The following ANKRD30BL variants were observed in gnomAD, a reference collection of about 807,000 sequenced individuals.
The protein encoded by ANKRD30BL is putative ankyrin repeat domain-containing protein 30B-like.
ANKRD30BL carries 20 observed loss-of-function variants against 18.4 expected under a neutral mutation model. The observed-to-expected ratio is 1.09, with a 90% CI of 0.77 to 1.58. The LOEUF is 1.58. Among genes scored for constraint, ANKRD30BL ranks in the 40% most tolerant of loss-of-function variants. The pLI is 0.00. For synonymous variants in ANKRD30BL, 72 were observed against 100.9 expected (o/e 0.71, Z 1.72); for missense variants, 224 against 268.6 (o/e 0.83, Z 1.16).
In ANKRD30BL at chr2:132,198,259, CTTTCTTTCTT is replaced by C. The variant is rs1189333409; in HGVS notation, n.442-41123_442-41114del. 1.3e-3 allele frequency among the ~76,000 whole-genome samples: 175 copies of C among 130,768 alleles called. 3 individuals are homozygous for C. The highest frequency in any genetic ancestry group is 5.8e-3 in the African/African-American group (165 of 28,406). 85.8% of individuals were successfully genotyped at this position (130,768 alleles called of 152,430 possible). The stretch of plus-strand genomic sequence containing the variant: ...TCTCTTTCATAATTTACTATACCTT[CTTTCTTTCTT>C]TTCTTTCTTTCTTTCTTTCTTTCTT... On this transcript the variant is annotated intron_variant and non_coding_transcript_variant, in intron 1 of 4. Transcript: ENST00000470729.
intron 1 of ANKRD30BL, among the ~76,000 whole-genome samples, chr2:132,202,559 C>G (rs368216452): frequency 6.6e-6 from 1 of 151,578 alleles, no homozygotes; most frequent in Non-Finnish European, 1.5e-5. Flanking sequence ...CTTGAAAATT[C>G]TCACTGATAT....
intron 1 of ANKRD30BL, among the ~76,000 whole-genome samples, chr2:132,222,658 A>T (rs552310321): frequency 1.3e-5 from 2 of 151,730 alleles, no homozygotes; most frequent in Non-Finnish European, 2.9e-5. Context: ...AAGAGTCATC[A>T]CCACTCCCTA....
In ANKRD30BL at chr2:132,148,053, A is replaced by C; in HGVS notation, c.*78T>G. The C allele has an allele frequency of 9.3e-7, 1 of 1,077,732 alleles. No homozygotes were observed. The highest frequency in any genetic ancestry group is 1.3e-5 in the South Asian group (1 of 74,298). The allele number at this position is 1,077,732 out of a possible 1,614,324, so 66.8% of individuals were successfully genotyped here. A position where few individuals can be genotyped will look rare whatever the true frequency, so the allele number is the denominator to read the frequency against. ...TTCTTTGATGAGGAACTCAGAACTC[A>C]TTGTACTTAATCTTCCCCCTCTTGA... On this transcript the variant is annotated 3_prime_UTR_variant, in exon 6 of 6. Coordinates refer to ENST00000409867, the MANE Select transcript of ANKRD30BL (RefSeq NM_001358416.1).
chr2:132,228,539 C>A (rs370205727), intron 1 of ANKRD30BL, among the ~76,000 whole-genome samples: 1 of 140,140 alleles, frequency 7.1e-6, no homozygotes, highest in African/African-American at 2.7e-5. Flanking sequence ...ACTCTCTTAT[C>A]GTAAAATCTG....
chr2:132,201,922 GA>G (rs1259275293), intron 1 of ANKRD30BL, among the ~76,000 whole-genome samples: 19 of 152,200 alleles, frequency 1.2e-4, no homozygotes, highest in Admixed American at 9.2e-4. Context: ...ACTGGATTAA[GA>G]AAATGTGGCA....
intron 1 of ANKRD30BL, among the ~76,000 whole-genome samples, chr2:132,195,596 GC>G (rs1678946371): frequency 6.6e-6 from 1 of 151,526 alleles, no homozygotes; most frequent in African/African-American, 2.4e-5. Flanking sequence ...TTCAAGACCA[GC>G]CTGGCAAACA....
intron 1 of ANKRD30BL, among the ~76,000 whole-genome samples, chr2:132,234,634 C>T (rs1476733035): frequency 6.6e-6 from 1 of 152,100 alleles, no homozygotes. Context: ...AAGACTAAAA[C>T]AGGAAGGAGT....
rs572728439 is a variant in ANKRD30BL at position 132,157,704 on chromosome 2, T to C, written c.219-281A>G. Among the ~76,000 whole-genome samples, 5 of 152,322 alleles carry C rather than the reference T, an allele frequency of 3.3e-5. No homozygotes were observed. In the South Asian group the frequency reaches 8.3e-4, roughly 25 times the overall value. ...TTCACCTTCTACTATCACTTAACCTTTCTCTGCCTCAATTTTCTCATCAAT... is the reference window on the plus strand; with the variant it reads ...TTCACCTTCTACTATCACTTAACCTCTCTCTGCCTCAATTTTCTCATCAAT... On this transcript the variant is annotated intron_variant, in intron 1 of 5. Transcript: ENST00000409867.
At chr2:132,247,485 T>G in intron 1 of ANKRD30BL, among the ~76,000 whole-genome samples, 1 of 148,400 alleles carries the variant, frequency 6.7e-6, no homozygotes, top group South Asian at 2.2e-4. Context: ...TACAAAAGGA[T>G]TGTTTCCAAA....
intron 1 of ANKRD30BL, among the ~76,000 whole-genome samples, chr2:132,181,577 A>T (rs1688462923): frequency 6.6e-6 from 1 of 152,250 alleles, no homozygotes; most frequent in African/African-American, 2.4e-5. Flanking sequence ...TCACTATAAG[A>T]GACAAAGTCA....
At chr2:132,223,985 G>A (rs561839854) in intron 1 of ANKRD30BL, among the ~76,000 whole-genome samples, 1,635 of 152,246 alleles carry the variant, frequency 0.011, 29 homozygotes, top group African/African-American at 0.037. Context: ...CTAGACAGGA[G>A]CATTCTCAGA....
chr2:132,212,941 T>C (rs1679396606), intron 1 of ANKRD30BL, among the ~76,000 whole-genome samples: 1 of 152,020 alleles, frequency 6.6e-6, no homozygotes, highest in African/African-American at 2.4e-5. Flanking sequence ...ATTGGACATT[T>C]GGAGCGATTT....
chr2:132,202,511 A>G (rs1299611129), intron 1 of ANKRD30BL, among the ~76,000 whole-genome samples: 2 of 151,892 alleles, frequency 1.3e-5, no homozygotes, highest in African/African-American at 2.4e-5. Flanking sequence ...AGAAATTTCA[A>G]AAAAATAAAA....
At chr2:132,214,407 C>T (rs1344635833) in intron 1 of ANKRD30BL, among the ~76,000 whole-genome samples, 1 of 151,980 alleles carries the variant, frequency 6.6e-6, no homozygotes, top group Admixed American at 6.6e-5. Flanking sequence ...TTGAACCTTT[C>T]TTTTGATTCA....
chr2:132,151,253 T>A (rs536905157), intron 4 of ANKRD30BL, among the ~76,000 whole-genome samples: 17 of 152,192 alleles, frequency 1.1e-4, no homozygotes, highest in Non-Finnish European at 1.9e-4. Flanking sequence ...TAACTCGGAA[T>A]AAGTCCTAGC....
intron 1 of ANKRD30BL, among the ~76,000 whole-genome samples, chr2:132,239,417 G>T (rs541382402): frequency 2.0e-5 from 3 of 151,884 alleles, no homozygotes; most frequent in Admixed American, 6.6e-5. Context: ...TGTAGGATCT[G>T]TAAGTGGAAT....
chr2:132,247,614 A>G lies in ANKRD30BL; in HGVS notation n.441+9915T>C, dbSNP rs1368238998. Reference sequence around the variant, plus strand: ...TTTCTTTATCTCCATAGGCCTCAAAATGCTCAGATATATACCACTGCAGAT... The same window carrying G: ...TTTCTTTATCTCCATAGGCCTCAAAGTGCTCAGATATATACCACTGCAGAT... On this transcript the variant is annotated intron_variant and non_coding_transcript_variant, in intron 1 of 4. Coordinates refer to the ANKRD30BL transcript ENST00000470729. Among the ~76,000 whole-genome samples the G allele has an allele frequency of 3.3e-5, 5 of 151,968 alleles. No individual in the cohort carries two copies. In the South Asian group the frequency reaches 1.0e-3, roughly 31 times the overall value.
intron 1 of ANKRD30BL, among the ~76,000 whole-genome samples, chr2:132,208,033 A>G (rs974142359): frequency 1.3e-5 from 2 of 152,150 alleles, no homozygotes; most frequent in African/African-American, 4.8e-5. Context: ...ACTCCAAAAT[A>G]AAGTGGCTTC....
At chr2:132,255,858 A>C (rs78765543) in intron 1 of ANKRD30BL, among the ~76,000 whole-genome samples, 25 of 152,294 alleles carry the variant, frequency 1.6e-4, no homozygotes, top group Middle Eastern at 3.4e-3. Context: ...CGAATGGGTC[A>C]TCGCTGCCAC....
Sources: allele counts gnomAD v4.1 joint callset (sites outside exome capture counted in the v4.1 genomes callset), GRCh38; gene constraint gnomAD v4.1.1; transcripts MANE v1.5; gene names NCBI Gene and HGNC (gene_info 2026-07-23, HGNC 2026-07-21).